The following TRHDE variants were observed in gnomAD, a reference collection of about 807,000 sequenced individuals.
TRHDE encodes the protein thyrotropin releasing hormone degrading enzyme.
TRHDE carries 72 observed loss-of-function variants against 125.7 expected under a neutral mutation model. The observed-to-expected ratio is 0.57, with a 90% CI of 0.47 to 0.70. TRHDE has a LOEUF of 0.70. TRHDE is among the 30% of genes least tolerant of loss of function. The pLI, the probability that TRHDE is intolerant of heterozygous loss-of-function variation, is 0.00. For missense variants in TRHDE, 1,110 were observed against 1,327.1 expected, an observed-to-expected ratio of 0.84 and a Z score of 2.54; for synonymous variants, 509 against 509.1, an observed-to-expected ratio of 1.00 and a Z score of 0.00.
At chr12:72,411,985 G>A (rs1305193337) in intron 3 of TRHDE, among the ~76,000 whole-genome samples, 1 of 152,118 alleles carries the variant, frequency 6.6e-6, no homozygotes, top group Non-Finnish European at 1.5e-5. Flanking sequence ...CCTTCATGCA[G>A]ATTAAAGACT....
intron 3 of TRHDE, among the ~76,000 whole-genome samples, chr12:72,403,365 A>T (rs1469566516): frequency 6.6e-6 from 1 of 152,168 alleles, no homozygotes; most frequent in African/African-American, 2.4e-5. Context: ...AATCAGACTA[A>T]ATTATTTTGT....
intron 3 of TRHDE, among the ~76,000 whole-genome samples, chr12:72,452,725 A>G (rs1875641334): frequency 6.6e-6 from 1 of 151,962 alleles, no homozygotes; most frequent in Admixed American, 6.6e-5. Context: ...CATCCTCTTG[A>G]TACTGTTCTC....
At chr12:72,621,416 G>T in intron 14 of TRHDE, 1 of 578,838 alleles carries the variant, frequency 1.7e-6, no homozygotes, top group Non-Finnish European at 3.0e-6. Flanking sequence ...TTTAATTTAA[G>T]ATCTACCTTT....
intron 3 of TRHDE, among the ~76,000 whole-genome samples, chr12:72,454,473 C>T (rs759192136): frequency 2.0e-5 from 3 of 152,102 alleles, no homozygotes; most frequent in Admixed American, 6.5e-5. Flanking sequence ...TCTATGGAAC[C>T]ATTAATCCCT....
chr12:72,415,124 G>T (rs1213026075), intron 3 of TRHDE, among the ~76,000 whole-genome samples: 1 of 152,076 alleles, frequency 6.6e-6, no homozygotes, highest in East Asian at 1.9e-4. Context: ...CTCTCCATGT[G>T]ATATCATGCT....
rs1872906011 is a variant in TRHDE at position 72,398,580 on chromosome 12, C to T, written c.1315+20459C>T. On this transcript the variant is annotated intron_variant, in intron 3 of 18. Coordinates refer to ENST00000261180, the MANE Select transcript of TRHDE (RefSeq NM_013381.3). ...ATATGGTAGATGTTTAACAAATATG[C>T]ATTAGATAAGAGAATTATCAAAATA... Among the ~76,000 whole-genome samples the T allele has an allele frequency of 6.6e-5, 10 of 152,200 alleles. 1 individual carries two copies. Among genetic ancestry groups the T allele is most frequent in the Admixed American group, 6.5e-4 (10 of 15,290 alleles).
chr12:72,199,603 T>G lies in TRHDE; in HGVS notation n.279+93851T>G, dbSNP rs563902234. ...CCGAGTAATATTTGTGCCCTAACAC[T>G]CCTACAAACATTAAAGAGCTACTGT... On this transcript the variant is annotated intron_variant and non_coding_transcript_variant, in intron 2 of 4. Transcript: ENST00000548156. 7.0e-4 allele frequency among the ~76,000 whole-genome samples: 107 copies of G among 152,204 alleles called. 1 individual carries two copies. The South Asian group carries it at 0.016, about 23-fold the overall frequency.
intron 3 of TRHDE, among the ~76,000 whole-genome samples, chr12:72,424,752 G>A (rs916962688): frequency 6.6e-5 from 10 of 151,948 alleles, no homozygotes; most frequent in African/African-American, 2.2e-4. Context: ...TATGTTTTCT[G>A]TCTCTTTAAT....
intron 2 of TRHDE, among the ~76,000 whole-genome samples, chr12:72,170,535 G>T (rs150506322): frequency 1.3e-5 from 2 of 152,124 alleles, no homozygotes; most frequent in Admixed American, 1.3e-4. Context: ...TGGAGCAGTG[G>T]TTCTCAAACT....
chr12:72,182,395 G>A (rs533183776), intron 2 of TRHDE, among the ~76,000 whole-genome samples: 3 of 152,298 alleles, frequency 2.0e-5, no homozygotes, highest in African/African-American at 7.2e-5. Context: ...AATGAATCAA[G>A]TAATTATGCT....
chr12:72,486,588 C>T (rs947467162), intron 5 of TRHDE, among the ~76,000 whole-genome samples: 3 of 152,064 alleles, frequency 2.0e-5, no homozygotes, highest in Admixed American at 2.0e-4. Context: ...GAGACTACAC[C>T]ACTGCACCCG....
At chr12:72,145,505 T>C (rs1876207581) in intron 2 of TRHDE, among the ~76,000 whole-genome samples, 1 of 152,226 alleles carries the variant, frequency 6.6e-6, no homozygotes, top group Non-Finnish European at 1.5e-5. Flanking sequence ...TCCTGAATTA[T>C]TTTCTTAGGA....
At chr12:72,530,055 G>A (rs1028364031) in intron 6 of TRHDE, among the ~76,000 whole-genome samples, 20 of 152,018 alleles carry the variant, frequency 1.3e-4, no homozygotes, top group Admixed American at 3.9e-4. Context: ...TGTTGGTCAC[G>A]TTGAGCTGTT....
At chr12:72,548,832 A>G (rs899379187) in intron 7 of TRHDE, among the ~76,000 whole-genome samples, 1 of 151,692 alleles carries the variant, frequency 6.6e-6, no homozygotes, top group African/African-American at 2.4e-5. Flanking sequence ...ACCATTCTTC[A>G]TGTTGTTATG....
At chr12:72,162,767 G>T (rs1876662696) in intron 2 of TRHDE, among the ~76,000 whole-genome samples, 1 of 152,166 alleles carries the variant, frequency 6.6e-6, no homozygotes, top group South Asian at 2.1e-4. Flanking sequence ...GGCTATTATG[G>T]CACTGAGTGA....
chr12:72,251,368 T>C (rs1878680345), intron 2 of TRHDE, among the ~76,000 whole-genome samples: 1 of 151,840 alleles, frequency 6.6e-6, no homozygotes, highest in South Asian at 2.1e-4. Flanking sequence ...TTTTATCATT[T>C]AATAAACATT....
intron 2 of TRHDE, among the ~76,000 whole-genome samples, chr12:72,334,488 G>A (rs989763147): frequency 7.2e-5 from 11 of 152,152 alleles, no homozygotes; most frequent in African/African-American, 2.2e-4. Flanking sequence ...AAGGGGAGCC[G>A]GATATGGGTG....
At chr12:72,107,654 C>A (rs1377371667) in intron 2 of TRHDE, among the ~76,000 whole-genome samples, 3 of 152,030 alleles carry the variant, frequency 2.0e-5, no homozygotes, top group African/African-American at 7.2e-5. Flanking sequence ...GTGCCCATGG[C>A]ATTTGCAGAC....
At chr12:72,431,959 T>A in intron 3 of TRHDE, 1 of 198,928 alleles carries the variant, frequency 5.0e-6, no homozygotes. Flanking sequence ...GTACCAGGCC[T>A]GTAACTATGA....
Sources: allele counts gnomAD v4.1 joint callset (sites outside exome capture counted in the v4.1 genomes callset), GRCh38; gene constraint gnomAD v4.1.1; transcripts MANE v1.5; gene names NCBI Gene and HGNC (gene_info 2026-07-23, HGNC 2026-07-21).